CBR1: variants seen among roughly 807,000 people sequenced by gnomAD.
CBR1 encodes the protein carbonyl reductase 1.
A neutral mutation model predicts 10.6 loss-of-function variants in CBR1; 11 were observed. The observed-to-expected ratio is 1.03, with a 90% CI of 0.65 to 1.71. The LOEUF (loss-of-function observed/expected upper bound fraction) is 1.71. Ranked by LOEUF, CBR1 falls within the 40% of genes most tolerant of loss-of-function variation. The probability of loss-of-function intolerance (pLI) is 0.00; values close to 1 mark genes in which losing one functional copy is unlikely to be tolerated. For missense variants in CBR1, 361 were observed against 368.6 expected, an observed-to-expected ratio of 0.98 and a Z score of 0.17; for synonymous variants, 158 against 156.7, an observed-to-expected ratio of 1.01 and a Z score of -0.06.
Position 36,072,165 on chromosome 21 carries a change from C to T in CBR1, c.398-281C>T, listed in dbSNP as rs151318439. 1.1e-5 allele frequency: 17 copies of T among 1,548,400 alleles called. 1 individual carries two copies. Among genetic ancestry groups the T allele is most frequent in the Middle Eastern group, 1.7e-4 (1 of 5,980 alleles). On this transcript the variant is annotated intron_variant, in intron 2 of 2. Transcript: ENST00000290349. ...TTATCCTGTTTCCCTGTCCTGTCGT[C>T]CTGTTAAGTTGTGCTACTTCTAAGG...
chr21:36,070,272 G>T lies in CBR1; in HGVS notation c.157G>T (p.Glu53Ter). The stretch of plus-strand genomic sequence containing the variant: ...GGCGGCCGTACAGCAGCTGCAGGCG[G>T]AGGGCCTGAGCCCGCGCTTCCACCA... ...GQAAVQQLQA[E>*]GLSPRFHQLD... is the part of the protein sequence containing the mutation. Residue 53 changes from glutamate to a stop codon, truncating the protein, a stop_gained, in exon 1 of 3, where the codon GAG (glutamate) becomes TAG (stop). Transcript: ENST00000290349. LOFTEE classifies it high-confidence loss of function. The T allele has an allele frequency of 6.2e-7, 1 of 1,612,252 alleles. No individual in the cohort carries two copies. Among genetic ancestry groups the T allele is most frequent in the Non-Finnish European group, 8.5e-7 (1 of 1,179,850 alleles).
Position 36,070,405 on chromosome 21 carries a change from G to C in CBR1, c.289+1G>C, listed in dbSNP as rs74484583. On this transcript the variant is annotated splice_donor_variant, in intron 1 of 2. Transcript: ENST00000290349. LOFTEE classifies it high-confidence loss of function. ...AACAACGCGGGCATCGCCTTCAAGG[G>C]TATGGGGAGGGGACGTGGCCTCCCC... 1 of 1,593,598 alleles carries C rather than the reference G, an allele frequency of 6.3e-7. No individual in the cohort carries two copies. Among genetic ancestry groups the C allele is most frequent in the East Asian group, 2.2e-5 (1 of 44,498 alleles).
chr21:36,072,630 CG>C lies in CBR1; in HGVS notation c.586del (p.Val196Ter). ...QKEGWPSSAY[G>X]VTKIGVTVLS... ...AGGAGGGCTGGCCCAGCAGCGCATA[CG>C]GGGTGACGAAGATTGGCGTCACCGT... On this transcript the variant is annotated frameshift_variant, in exon 3 of 3. Coordinates refer to ENST00000290349, the MANE Select transcript of CBR1 (RefSeq NM_001757.4). LOFTEE classifies it high-confidence loss of function. The C allele has an allele frequency of 6.2e-7, 1 of 1,610,408 alleles. No homozygotes were observed. Among genetic ancestry groups the C allele is most frequent in the Non-Finnish European group, 8.5e-7 (1 of 1,178,022 alleles).
Position 36,070,306 on chromosome 21 carries a change from T to C in CBR1, c.191T>C (p.Ile64Thr), listed in dbSNP as rs2065340434. ...AGCCCGCGCTTCCACCAGCTGGACA[T>C]CGACGATCTGCAGAGCATCCGCGCC... is the stretch of plus-strand genomic sequence containing the variant. ...GLSPRFHQLDIDDLQSIRALR... is the reference protein window; with the variant it reads ...GLSPRFHQLDTDDLQSIRALR... Residue 64 changes from isoleucine (I) to threonine (T), a missense_variant, in exon 1 of 3, where the codon ATC becomes ACC. By Grantham distance (89) the Ile-to-Thr change is moderately conservative. Transcript: ENST00000290349. 14 of 1,613,174 alleles carry C rather than the reference T, an allele frequency of 8.7e-6. No individual in the cohort carries two copies. Among genetic ancestry groups the C allele is most frequent in the Non-Finnish European group, 1.2e-5 (14 of 1,179,940 alleles).
Position 36,070,179 on chromosome 21 carries a change from G to A in CBR1, c.64G>A (p.Val22Met). The change falls in exon 1 of 3, where the codon GTG becomes ATG. Residue 22 changes from valine (V) to methionine (M), a missense_variant. By Grantham distance (21) the Val-to-Met change is conservative. Transcript: ENST00000290349. ...GGNKGIGLAIVRDLCRLFSGD... is the reference protein window; with the variant it reads ...GGNKGIGLAIMRDLCRLFSGD... ...CAACAAGGGCATCGGCTTGGCCATCGTGCGCGACCTGTGCCGGCTGTTCTC... is the reference window on the plus strand; with the variant it reads ...CAACAAGGGCATCGGCTTGGCCATCATGCGCGACCTGTGCCGGCTGTTCTC... 6.3e-7 allele frequency: 1 copy of A among 1,597,012 alleles called. No homozygotes were observed. The highest frequency in any genetic ancestry group is 8.5e-7 in the Non-Finnish European group (1 of 1,172,508).
At chr21:36,070,823 T>TA in intron 1 of CBR1, 127 bp from the exon 2 acceptor site, 1 of 632,768 alleles carries the variant, frequency 1.6e-6, no homozygotes, top group South Asian at 2.0e-5. Context: ...TGTAACCAGA[T>TA]ACAGACTTAC....
rs751602193 is a variant in CBR1 at position 36,070,402 on chromosome 21, A to G, written c.287A>G (p.Lys96Arg). Residue 96 changes from lysine (K) to arginine (R), a missense_variant and splice_region_variant, in exon 1 of 3, where the codon AAG (lysine) becomes AGG (arginine). Physicochemically the swap from Lys to Arg is conservative, Grantham distance 26 (BLOSUM62 2). Transcript: ENST00000290349. ...GTCAACAACGCGGGCATCGCCTTCA[A>G]GGGTATGGGGAGGGGACGTGGCCTC... The part of the protein sequence containing the change: ...VLVNNAGIAF[K>R]VADPTPFHIQ... 15 of 1,601,796 alleles carry G rather than the reference A, an allele frequency of 9.4e-6. No individual in the cohort carries two copies. Among genetic ancestry groups the G allele is most frequent in the South Asian group, 4.5e-5 (4 of 89,578 alleles).
chr21:36,070,029 C>T lies in CBR1; in HGVS notation c.-87C>T. The T allele has an allele frequency of 1.4e-6, 2 of 1,386,342 alleles. No individual in the cohort carries two copies. The highest frequency in any genetic ancestry group is 1.9e-6 in the Non-Finnish European group (2 of 1,064,416). The allele number at this position is 1,386,342 out of a possible 1,614,324, so 85.9% of individuals were successfully genotyped here. The stretch of plus-strand genomic sequence containing the variant: ...GGTGCGCGCCCACGACCGCCAGACT[C>T]GAGCAGTCTCTGGAACACGCTGCGG... On this transcript the variant is annotated 5_prime_UTR_variant, in exon 1 of 3. Transcript: ENST00000290349.
chr21:36,072,185 C>T, intron 2 of CBR1: 1 of 1,550,294 alleles, frequency 6.5e-7, no homozygotes. Flanking sequence ...TGTGCTACTT[C>T]TAAGGCTCTG....
chr21:36,070,835 T>G (rs1601322264), intron 1 of CBR1, 115 bp from the exon 2 acceptor site: 2 of 651,650 alleles, frequency 3.1e-6, no homozygotes, highest in Non-Finnish European at 5.2e-6. Context: ...CAGACTTACT[T>G]TAGGCAGAGG....
chr21:36,070,441 C>G, intron 1 of CBR1, 37 bp downstream of exon 1: 3 of 1,544,222 alleles, frequency 1.9e-6, no homozygotes, highest in East Asian at 2.3e-5. Context: ...GAAGAAGAAC[C>G]GATGCACTGG....
In CBR1 at chr21:36,072,787, G is replaced by A; in HGVS notation, c.739G>A (p.Gly247Ser). Residue 247 changes from glycine (G) to serine (S), a missense_variant, in exon 3 of 3, where the codon GGT becomes AGT. Transcript: ENST00000290349. ...GPKATKSPEE[G>S]AETPVYLALL... Reference sequence around the variant, plus strand: ...CAAGGCCACCAAGAGCCCAGAAGAAGGTGCAGAGACCCCTGTGTACTTGGC... The same window carrying A: ...CAAGGCCACCAAGAGCCCAGAAGAAAGTGCAGAGACCCCTGTGTACTTGGC... 1 of 1,614,080 alleles carries A rather than the reference G, an allele frequency of 6.2e-7. No individual in the cohort carries two copies. Among genetic ancestry groups the A allele is most frequent in the Non-Finnish European group, 8.5e-7 (1 of 1,180,020 alleles).
intron 1 of CBR1, 85 bp from the exon 2 acceptor site, chr21:36,070,865 T>TTA: frequency 1.5e-6 from 1 of 660,246 alleles, no homozygotes; most frequent in Non-Finnish European, 2.5e-6. Context: ...TTTTTTTTTT[T>TTA]TTTTTTTTTT....
In CBR1 at chr21:36,072,559, C is replaced by T. The variant is rs775837893; in HGVS notation, c.511C>T (p.Leu171Phe). Residue 171 changes from leucine to phenylalanine, a missense_variant, in exon 3 of 3, where the codon CTC (leucine) becomes TTC (phenylalanine). Transcript: ENST00000290349. ...ETITEEELVG[L>F]MNKFVEDTKK... ...CATCACTGAGGAGGAGCTGGTGGGG[C>T]TCATGAACAAGTTTGTGGAGGATAC... is the stretch of plus-strand genomic sequence containing the variant. 1.9e-6 allele frequency: 3 copies of T among 1,600,762 alleles called. No homozygotes were observed. Among genetic ancestry groups the T allele is most frequent in the Non-Finnish European group, 1.7e-6 (2 of 1,173,808 alleles).
At chr21:36,071,357 C>G in intron 2 of CBR1, 1 of 614,346 alleles carries the variant, frequency 1.6e-6, no homozygotes, top group Non-Finnish European at 2.9e-6. Flanking sequence ...CTCCATTCCC[C>G]TCTGCGTGGG....
At chr21:36,071,351 A>G in intron 2 of CBR1, 1 of 616,480 alleles carries the variant, frequency 1.6e-6, no homozygotes, top group Non-Finnish European at 2.9e-6. Context: ...TATTTGCTCC[A>G]TTCCCCTCTG....
At chr21:36,070,852 A>C (rs1020718186) in intron 1 of CBR1, 98 bp from the exon 2 acceptor site, 50 of 577,950 alleles carry the variant, frequency 8.7e-5, no homozygotes, top group Admixed American at 1.6e-4. Context: ...GAGGGCACTA[A>C]GTTTTTTTTT....
chr21:36,070,384 A>G lies in CBR1; in HGVS notation c.269A>G (p.Asn90Ser), dbSNP rs1030669258. 6.2e-7 allele frequency: 1 copy of G among 1,608,024 alleles called. No homozygotes were observed. Among genetic ancestry groups the G allele is most frequent in the Non-Finnish European group, 8.5e-7 (1 of 1,176,726 alleles). ...EYGGLDVLVN[N>S]AGIAFKVADP... ...GGGGGCCTGGACGTGCTGGTCAACA[A>G]CGCGGGCATCGCCTTCAAGGGTATG... Residue 90 changes from asparagine (N) to serine (S), a missense_variant, in exon 1 of 3, where the codon AAC becomes AGC. Asn to Ser is a conservative substitution (Grantham distance 46). Transcript: ENST00000290349.
Position 36,072,918 on chromosome 21 carries a change from G to A in CBR1, c.*36G>A. ...CAGCTCCATCCATGGGCCCCATTTT[G>A]TACCTTGTCCTGAGTTGGTCCAAAG... is the stretch of plus-strand genomic sequence containing the variant. On this transcript the variant is annotated 3_prime_UTR_variant, in exon 3 of 3. Transcript: ENST00000290349. 6.7e-7 allele frequency: 1 copy of A among 1,492,172 alleles called. No homozygotes were observed. The highest frequency in any genetic ancestry group is 1.9e-5 in the Admixed American group (1 of 52,846). 92.4% of individuals were successfully genotyped at this position (1,492,172 alleles called of 1,614,324 possible). A position where few individuals can be genotyped will look rare whatever the true frequency, so the allele number is the denominator to read the frequency against.
Sources: gnomAD v4.1 joint callset for allele counts on GRCh38, gnomAD v4.1.1 for gene constraint, MANE v1.5 for transcripts, NCBI Gene and HGNC (gene_info 2026-07-23, HGNC 2026-07-21) for gene names.